The following DIPK1C variants were observed in gnomAD, a reference collection of about 807,000 sequenced individuals.
DIPK1C encodes the protein familial non-conventional Alzheimer's dementia.
In DIPK1C, 33 loss-of-function variants were observed where a neutral mutation model predicts 28.0. The observed-to-expected ratio is 1.18, with a 90% CI of 0.89 to 1.58. The LOEUF (loss-of-function observed/expected upper bound fraction) is 1.58, where lower values mean the gene tolerates loss of function less well. Among genes scored for constraint, DIPK1C ranks in the 40% most tolerant of loss-of-function variants. The probability of loss-of-function intolerance (pLI) is 0.00; values close to 1 mark genes in which losing one functional copy is unlikely to be tolerated. For synonymous variants in DIPK1C, 255 were observed against 248.8 expected (o/e 1.02, Z -0.23); for missense variants, 569 against 568.5 (o/e 1.00, Z -0.01).
upstream of DIPK1C, chr18:74,457,730 C>CCT (rs764103269): frequency 1.3e-5 from 2 of 149,132 alleles, no homozygotes; most frequent in African/African-American, 5.0e-5. Context: ...GTTGTCCCCC[C>CCT]CCGTTTACCT....
chr18:74,458,655 C>CAGCAGGGTTTGGGTGTCACTCAATCAAT (rs1241460724), upstream of DIPK1C, among the ~76,000 whole-genome samples: 5 of 152,168 alleles, frequency 3.3e-5, no homozygotes, highest in African/African-American at 1.2e-4. Context: ...ACTCAATCAA[C>CAGCAGGGTTTGGGTGTCACTCAATCAAT]AGCGGTAAGG....
chr18:74,443,817 G>T (rs938009674), intron 2 of DIPK1C, among the ~76,000 whole-genome samples: 1 of 151,770 alleles, frequency 6.6e-6, no homozygotes, highest in South Asian at 2.1e-4. Context: ...CATTACTGGG[G>T]CTACACGACT....
At chr18:74,458,951 A>T (rs1280578341), upstream of DIPK1C, among the ~76,000 whole-genome samples, 1 of 152,170 alleles carries the variant, frequency 6.6e-6, no homozygotes, top group Non-Finnish European at 1.5e-5. Flanking sequence ...AAAAAAAAAA[A>T]AAAGTTAGCA....
Position 74,436,499 on chromosome 18 carries a change from G to A in DIPK1C, c.*2C>T. ...GTGAGCATGTTTAAGGCCAGAGAGT[G>A]GCTACTTCTCTGCCTCCTGCAGCTC... On this transcript the variant is annotated 3_prime_UTR_variant, in exon 4 of 4. Coordinates refer to ENST00000343998, the MANE Select transcript of DIPK1C (RefSeq NM_001044369.3). 1.3e-6 allele frequency: 2 copies of A among 1,594,864 alleles called. No homozygotes were observed. Among genetic ancestry groups the A allele is most frequent in the Non-Finnish European group, 1.7e-6 (2 of 1,171,408 alleles).
chr18:74,450,112 G>A (rs1409513511), intron 1 of DIPK1C, among the ~76,000 whole-genome samples: 1 of 152,026 alleles, frequency 6.6e-6, no homozygotes, highest in Non-Finnish European at 1.5e-5. Flanking sequence ...TAGATGGCAG[G>A]AACAGTAAGG....
intron 3 of DIPK1C, among the ~76,000 whole-genome samples, 181 bp from the exon 4 acceptor site, chr18:74,436,900 C>G (rs1599033801): frequency 2.0e-5 from 3 of 146,720 alleles, no homozygotes; most frequent in Admixed American, 2.0e-4. Flanking sequence ...GCCCCTTAAA[C>G]CCTTCAGCAC....
chr18:74,454,004 T>C (rs1476057689), intron 1 of DIPK1C, among the ~76,000 whole-genome samples: 2 of 152,186 alleles, frequency 1.3e-5, no homozygotes, highest in Non-Finnish European at 2.9e-5. Flanking sequence ...GAGTTCAGCC[T>C]GCAGAATGAA....
At chr18:74,454,435 A>G (rs1237581150) in intron 1 of DIPK1C, among the ~76,000 whole-genome samples, 1 of 152,226 alleles carries the variant, frequency 6.6e-6, no homozygotes, top group East Asian at 1.9e-4. Flanking sequence ...GCCCCCCGCC[A>G]GGCGAGAGCC....
intron 2 of DIPK1C, among the ~76,000 whole-genome samples, chr18:74,442,421 C>T (rs138150322): frequency 1.2e-3 from 176 of 152,304 alleles, no homozygotes; most frequent in Admixed American, 3.7e-3. Flanking sequence ...CTCCGCCTTC[C>T]GGGTTCACGC....
At chr18:74,440,994 T>G (rs1391763460) in intron 3 of DIPK1C, among the ~76,000 whole-genome samples, 3 of 151,848 alleles carry the variant, frequency 2.0e-5, no homozygotes, top group Non-Finnish European at 2.9e-5. Flanking sequence ...GTCGGGGTGT[T>G]TGTTTGGCCT....
Position 74,446,972 on chromosome 18 carries a change from C to A in DIPK1C, c.510G>T (p.Pro170=), listed in dbSNP as rs970596624. ...GLELSNSSLG[P]WWPGRRGPRW... is the part of the protein sequence containing the mutation. ...GTGGGCCCCGCCTGCCCGGCCACCACGGCCCCAGGCTGCTGTTGGACAACT... is the reference window on the plus strand; with the variant it reads ...GTGGGCCCCGCCTGCCCGGCCACCAAGGCCCCAGGCTGCTGTTGGACAACT... Residue 170 remains proline, a synonymous_variant, in exon 2 of 4, where the codon CCG becomes CCT. Coordinates refer to ENST00000343998, the MANE Select transcript of DIPK1C (RefSeq NM_001044369.3). 6.6e-7 allele frequency: 1 copy of A among 1,512,232 alleles called. No individual in the cohort carries two copies. Among genetic ancestry groups the A allele is most frequent in the South Asian group, 1.3e-5 (1 of 78,714 alleles). 93.7% of individuals were successfully genotyped at this position (1,512,232 alleles called of 1,614,324 possible). A position where few individuals can be genotyped will look rare whatever the true frequency, so the allele number is the denominator to read the frequency against.
At chr18:74,457,489 C>T (rs531821403), upstream of DIPK1C, among the ~76,000 whole-genome samples, 19 of 152,258 alleles carry the variant, frequency 1.2e-4, no homozygotes, top group African/African-American at 4.3e-4. Flanking sequence ...GCCGCATCCC[C>T]TGCTCCACCC....
At chr18:74,444,497 T>G (rs35648325) in intron 2 of DIPK1C, among the ~76,000 whole-genome samples, 45,320 of 152,102 alleles carry the variant, frequency 0.3, 7,762 homozygotes, top group Non-Finnish European at 0.39. Flanking sequence ...CTTAAGCACA[T>G]ATGAGAATCG....
chr18:74,449,983 A>G (rs895895950), intron 1 of DIPK1C, among the ~76,000 whole-genome samples: 1 of 152,106 alleles, frequency 6.6e-6, no homozygotes, highest in Admixed American at 6.5e-5. Context: ...TCACCTCCAC[A>G]TCGCCCTTCG....
chr18:74,452,053 A>C (rs1191747274), intron 1 of DIPK1C, among the ~76,000 whole-genome samples: 1 of 152,226 alleles, frequency 6.6e-6, no homozygotes, highest in Non-Finnish European at 1.5e-5. Context: ...AGTGTTGACT[A>C]TCTCACGTAA....
intron 2 of DIPK1C, among the ~76,000 whole-genome samples, chr18:74,442,368 A>G (rs754134379): frequency 6.0e-4 from 91 of 151,846 alleles, no homozygotes; most frequent in Admixed American, 9.2e-4. Context: ...TCACTCTGTC[A>G]CCCAGGCTGG....
chr18:74,459,263 G>A (rs1986581798), upstream of DIPK1C, among the ~76,000 whole-genome samples: 1 of 152,244 alleles, frequency 6.6e-6, no homozygotes, highest in South Asian at 2.1e-4. Context: ...AGGGGGGAAA[G>A]CAGAACTTGA....
Position 74,439,115 on chromosome 18 carries a change from T to A in DIPK1C, c.1042-2396A>T, listed in dbSNP as rs1986062475. Among the ~76,000 whole-genome samples the A allele has an allele frequency of 1.6e-5, 2 of 125,292 alleles. 1 individual carries two copies. Among genetic ancestry groups the A allele is most frequent in the South Asian group, 5.9e-4 (2 of 3,414 alleles). 82.2% of individuals were successfully genotyped at this position (125,292 alleles called of 152,430 possible). On this transcript the variant is annotated intron_variant, in intron 3 of 3. Transcript: ENST00000343998. ...TATGCCAACATGGGTTTTTGTTTTTTGTTTTTTTTTTTCTGAAAGATAATT... is the reference window on the plus strand; with the variant it reads ...TATGCCAACATGGGTTTTTGTTTTTAGTTTTTTTTTTTCTGAAAGATAATT...
Position 74,436,672 on chromosome 18 carries a change from C to G in DIPK1C, c.1089G>C (p.Lys363Asn). Reference sequence around the variant, plus strand: ...GAAGCTGGAAAGAGACCGCAGAGCTCTTGAGAGGCGCGGAAAACCAATGGC... The same window carrying G: ...GAAGCTGGAAAGAGACCGCAGAGCTGTTGAGAGGCGCGGAAAACCAATGGC... ...IFRHWFSAPL[K>N]SSAVSFQLQL... Residue 363 changes from lysine to asparagine, a missense_variant, in exon 4 of 4, where the codon AAG becomes AAC. Physicochemically the swap from Lys to Asn is moderately conservative, Grantham distance 94. Coordinates refer to ENST00000343998, the MANE Select transcript of DIPK1C (RefSeq NM_001044369.3). 6.2e-7 allele frequency: 1 copy of G among 1,613,974 alleles called. No homozygotes were observed.
Sources: gnomAD v4.1 joint callset for allele counts (sites outside exome capture counted in the v4.1 genomes callset) on GRCh38, gnomAD v4.1.1 for gene constraint, MANE v1.5 for transcripts, NCBI Gene and HGNC (gene_info 2026-07-23, HGNC 2026-07-21) for gene names.